ATRX: variants seen among roughly 807,000 people sequenced by gnomAD.
ATRX encodes ATRX chromatin remodeler.
ATRX carries 12 observed loss-of-function variants against 172.6 expected under a neutral mutation model. That is an observed-to-expected ratio of 0.07 (90% CI 0.04 to 0.11). The LOEUF is 0.11. ATRX is among the 10% of genes least tolerant of loss of function. The pLI is 1.00. For synonymous variants in ATRX, 674 were observed against 594.7 expected, an observed-to-expected ratio of 1.13 and a Z score of -1.94; for missense variants, 1,368 against 1,767.4, an observed-to-expected ratio of 0.77 and a Z score of 4.05.
intron 19 of ATRX, among the ~76,000 whole-genome samples, chrX:77,624,097 T>C (rs976119559): frequency 8.9e-6 from 1 of 111,750 alleles, no homozygotes; most frequent in Non-Finnish European, 1.9e-5. Flanking sequence ...CCGGGTGCGG[T>C]GGCTCACGCC....
At chrX:77,554,935 C>T in intron 30 of ATRX, among the ~76,000 whole-genome samples, 1 of 111,959 alleles carries the variant, frequency 8.9e-6, no homozygotes, top group East Asian at 2.8e-4. Flanking sequence ...GTTTTAAAAA[C>T]TTTTTTTTAA....
At chrX:77,665,824 T>A (rs868976025) in intron 10 of ATRX, among the ~76,000 whole-genome samples, 36 of 111,878 alleles carry the variant, frequency 3.2e-4, no homozygotes, top group South Asian at 3.6e-4. Flanking sequence ...TGAGCTAATC[T>A]GTATGGGATA....
At chrX:77,727,637 C>T (rs781896157) in intron 1 of ATRX, among the ~76,000 whole-genome samples, 17 of 95,685 alleles carry the variant, frequency 1.8e-4, no homozygotes, top group African/African-American at 6.7e-4. Context: ...ACAATGAGAA[C>T]ATATGGGCAC....
chrX:77,594,221 A>G (rs2066391042), intron 25 of ATRX: 1 of 128,003 alleles, frequency 7.8e-6, no homozygotes, highest in Admixed American at 8.6e-5. Flanking sequence ...CTAAGAGAGT[A>G]AAATGCCCCC....
intron 14 of ATRX, among the ~76,000 whole-genome samples, chrX:77,653,634 A>G (rs2069393985): frequency 8.9e-6 from 1 of 111,829 alleles, no homozygotes; most frequent in African/African-American, 3.2e-5. Context: ...ACATTTTAAA[A>G]TATTTTAAAA....
In ATRX at chrX:77,608,305, C is replaced by T. The variant is rs981194523; in HGVS notation, c.5567-7741G>A. On this transcript the variant is annotated intron_variant, in intron 22 of 34. Coordinates refer to ENST00000373344, the MANE Select transcript of ATRX (RefSeq NM_000489.6). ...AATGGCGTGAACCCAGGAGGCAGAGCTTGCAGTGAGCCGAGATTGCACCAC... is the reference window on the plus strand; with the variant it reads ...AATGGCGTGAACCCAGGAGGCAGAGTTTGCAGTGAGCCGAGATTGCACCAC... Among the ~76,000 whole-genome samples, 8 of 103,368 alleles carry T rather than the reference C, an allele frequency of 7.7e-5. No individual in the cohort carries two copies. The South Asian group carries it at 1.4e-3, about 18-fold the overall frequency. 89.8% of individuals were successfully genotyped at this position (103,368 alleles called of 115,157 possible).
At position 77,726,911 on chromosome X, in the gene ATRX, T is replaced by TA. The variant is rs1266508755; in HGVS notation, c.21-9669dup. ...ACCGATGAGGAATTGGAAAATTTTT[T>TA]AAAAAAATAGTGTTTTTTTATCCAT... On this transcript the variant is annotated intron_variant, in intron 1 of 34. Coordinates refer to ENST00000373344, the MANE Select transcript of ATRX (RefSeq NM_000489.6). 7.2e-5 allele frequency among the ~76,000 whole-genome samples: 8 copies of TA among 110,980 alleles called. No individual in the cohort carries two copies. In the East Asian group the frequency reaches 8.4e-4, roughly 12 times the overall value.
At chrX:77,581,314 C>A (rs1557073790) in intron 27 of ATRX, among the ~76,000 whole-genome samples, 1 of 111,194 alleles carries the variant, frequency 9.0e-6, no homozygotes, top group African/African-American at 3.3e-5. Flanking sequence ...CTGTTGCCTA[C>A]AAGAACACAC....
At chrX:77,514,609 C>T (rs1602332638) in intron 34 of ATRX, among the ~76,000 whole-genome samples, 2 of 112,310 alleles carry the variant, frequency 1.8e-5, no homozygotes, top group Admixed American at 9.4e-5. Flanking sequence ...AATATCAACT[C>T]AAGATGCATT....
At chrX:77,718,434 C>T (rs782612739) in intron 1 of ATRX, among the ~76,000 whole-genome samples, 29 of 101,588 alleles carry the variant, frequency 2.9e-4, no homozygotes, top group East Asian at 1.2e-3. Context: ...AGTGCAGTGG[C>T]GTGATCTTGG....
At chrX:77,522,093 A>T in intron 32 of ATRX, 170 bp downstream of exon 32, 1 of 591,293 alleles carries the variant, frequency 1.7e-6, no homozygotes, top group Non-Finnish European at 2.7e-6. Context: ...ACCACATTTT[A>T]CAACATCATG....
At chrX:77,575,316 T>C (rs782147242) in intron 27 of ATRX, among the ~76,000 whole-genome samples, 1 of 110,460 alleles carries the variant, frequency 9.1e-6, no homozygotes, top group Non-Finnish European at 1.9e-5. Flanking sequence ...ATTTCCTTGT[T>C]AAAAATTCAT....
chrX:77,751,437 T>C (rs1473562107), intron 1 of ATRX, among the ~76,000 whole-genome samples: 2 of 112,260 alleles, frequency 1.8e-5, no homozygotes, highest in African/African-American at 3.2e-5. Context: ...GTCAGATGCA[T>C]AGATTGCAAA....
intron 10 of ATRX, among the ~76,000 whole-genome samples, chrX:77,671,626 T>C (rs782299418): frequency 1.0e-3 from 113 of 110,711 alleles, no homozygotes; most frequent in African/African-American, 3.7e-3. Flanking sequence ...TTTTTATACT[T>C]GAAAAATGAA....
At position 77,682,092 on chromosome X, in the gene ATRX, T is replaced by A. The variant is rs1374722898; in HGVS notation, c.3164A>T (p.Lys1055Ile). ...KSKKIRDKTS[K>I]KKDELSDYAE... ...ATAATCAGATAATTCATCCTTCTTT[T>A]TAGAAGTTTTATCTCTTATTTTTTT... is the stretch of plus-strand genomic sequence containing the variant. Residue 1055 changes from lysine (K) to isoleucine (I), a missense_variant, in exon 9 of 35, where the codon AAA (lysine) becomes ATA (isoleucine). Around this residue, in one of 17 missense-constraint regions of ATRX, gnomAD observed 843 missense variants for 643.1 expected, o/e 1.31. Coordinates refer to ENST00000373344, the MANE Select transcript of ATRX (RefSeq NM_000489.6). The A allele has an allele frequency of 4.1e-6, 5 of 1,207,871 alleles. No individual in the cohort carries two copies. In the Admixed American group the frequency reaches 6.6e-5, roughly 16 times the overall value.
At chrX:77,513,218 A>G (rs1385932913) in intron 34 of ATRX, among the ~76,000 whole-genome samples, 10 of 106,679 alleles carry the variant, frequency 9.4e-5, no homozygotes, top group South Asian at 4.4e-4. Flanking sequence ...TCAGGAGGCT[A>G]AGATAGGAGA....
intron 22 of ATRX, among the ~76,000 whole-genome samples, chrX:77,603,702 G>A (rs1406627453): frequency 9.0e-6 from 1 of 110,757 alleles, no homozygotes; most frequent in African/African-American, 3.3e-5. Flanking sequence ...GAACAAAGCT[G>A]AAGGTATCAC....
At position 77,568,434 on chromosome X, in the gene ATRX, T is replaced by C. The variant is rs782400458; in HGVS notation, c.6326+5816A>G. On this transcript the variant is annotated intron_variant, in intron 28 of 34. Coordinates refer to ENST00000373344, the MANE Select transcript of ATRX (RefSeq NM_000489.6). ...CTACAACAACACATTCAATATAAAA[T>C]AGATCATTTGAATAATCCTAAAACT... 9.8e-5 allele frequency among the ~76,000 whole-genome samples: 11 copies of C among 111,905 alleles called. No homozygotes were observed. The South Asian group carries it at 4.1e-3, about 41-fold the overall frequency.
At chrX:77,669,406 C>T (rs913988031) in intron 10 of ATRX, among the ~76,000 whole-genome samples, 1 of 110,388 alleles carries the variant, frequency 9.1e-6, no homozygotes. Context: ...TCACTGCAAC[C>T]TCTGCTTCCC....
Sources: allele counts gnomAD v4.1 joint callset (sites outside exome capture counted in the v4.1 genomes callset), GRCh38; gene constraint gnomAD v4.1.1; regional missense constraint gnomAD v4.1.1; transcripts MANE v1.5; gene names NCBI Gene and HGNC (gene_info 2026-07-23, HGNC 2026-07-21).